Variants in ADCY10 observed in about 807,000 individuals in gnomAD.
The protein encoded by ADCY10 is adenylate cyclase 10, also known as adenylate cyclase type 10.
Under a neutral mutation model 183.3 loss-of-function variants are expected in ADCY10, and 156 were observed. That is an observed-to-expected ratio of 0.85 (90% CI 0.75 to 0.97). The LOEUF is 0.97. Among genes scored for constraint, ADCY10 ranks in the 50% least tolerant of loss-of-function variants. ADCY10 has a pLI of 0.00. For missense variants in ADCY10, 1,745 were observed against 1,934.3 expected (o/e 0.90, Z 1.84); for synonymous variants, 645 against 670.0 (o/e 0.96, Z 0.58).
At chr1:167,823,145 G>A (rs772821053) in intron 28 of ADCY10, 22 bp from the exon 29 acceptor site, 9 of 1,604,474 alleles carry the variant, frequency 5.6e-6, no homozygotes, top group South Asian at 2.2e-5. Flanking sequence ...AAAAGGTAGT[G>A]GCCATTAAAA....
At chr1:167,830,304 T>A (rs926187004) in intron 25 of ADCY10, among the ~76,000 whole-genome samples, 4 of 151,930 alleles carry the variant, frequency 2.6e-5, no homozygotes, top group African/African-American at 9.7e-5. Context: ...TGTTTTTTTT[T>A]CTTCTGGGCA....
At chr1:167,820,297 C>G in intron 30 of ADCY10, 1 of 1,296,086 alleles carries the variant, frequency 7.7e-7, no homozygotes, top group South Asian at 1.4e-5. Context: ...GGCCGCCTAG[C>G]CAAGTCTCTG....
rs765459577 is a variant in ADCY10, at chr1:167,880,504, C to T, written c.1126G>A (p.Val376Ile). 6 of 1,613,648 alleles carry T rather than the reference C, an allele frequency of 3.7e-6. No individual in the cohort carries two copies. In the East Asian group the frequency reaches 8.9e-5, roughly 24 times the overall value. ...GTCAATACTCACTGGATTTTGTGGA[C>T]TTGAGAGCAGAAGTCAAATATATCC... ...AMDIFDFCSQ[V>I]HKIQTVSIGV... The change falls in exon 10 of 33, where the codon GTC becomes ATC. Residue 376 changes from valine (V) to isoleucine (I), a missense_variant. Transcript: ENST00000367851.
rs1403162540 is a variant in ADCY10 at position 167,896,650 on chromosome 1, T to A, written c.684A>T (p.Glu228Asp). 4 of 1,613,476 alleles carry A rather than the reference T, an allele frequency of 2.5e-6. No individual in the cohort carries two copies. In the South Asian group the frequency reaches 4.4e-5, roughly 18 times the overall value. ...LKPPPNFNFD[E>D]FFTKCTTFMH... is the part of the protein sequence containing the mutation. The stretch of plus-strand genomic sequence containing the variant: ...TGAAGGTCGTACACTTTGTGAAAAA[T>A]TCATCAAAATTAAAATTGGGGGGTG... Residue 228 changes from glutamate to aspartate, a missense_variant, in exon 7 of 33, where the codon GAA becomes GAT. Physicochemically the swap from Glu to Asp is conservative, Grantham distance 45. Coordinates refer to ENST00000367851, the MANE Select transcript of ADCY10 (RefSeq NM_018417.6).
At chr1:167,877,078 A>G (rs942753454) in intron 12 of ADCY10, among the ~76,000 whole-genome samples, 1 of 151,828 alleles carries the variant, frequency 6.6e-6, no homozygotes, top group Non-Finnish European at 1.5e-5. Flanking sequence ...ATAAATGTTT[A>G]TTTTTGCACA....
chr1:167,880,872 ACT>A (rs968100873), intron 9 of ADCY10, among the ~76,000 whole-genome samples: 2 of 151,998 alleles, frequency 1.3e-5, no homozygotes, highest in African/African-American at 4.8e-5. Flanking sequence ...GCTTCGGCCT[ACT>A]CTCTCCTGTG....
intron 31 of ADCY10, among the ~76,000 whole-genome samples, chr1:167,814,008 A>T (rs553560885): frequency 2.2e-4 from 34 of 152,158 alleles, no homozygotes; most frequent in Non-Finnish European, 4.4e-4. Context: ...GAAAGAACTT[A>T]AATGTTCCAC....
At chr1:167,837,895 A>T (rs1392927479) in intron 21 of ADCY10, among the ~76,000 whole-genome samples, 1 of 152,268 alleles carries the variant, frequency 6.6e-6, no homozygotes, top group Non-Finnish European at 1.5e-5. Flanking sequence ...TTAAATTAAA[A>T]ACCTCAGTCT....
At chr1:167,873,656 T>C (rs982516159) in intron 13 of ADCY10, among the ~76,000 whole-genome samples, 3 of 152,170 alleles carry the variant, frequency 2.0e-5, no homozygotes, top group Non-Finnish European at 4.4e-5. Context: ...GTTATCTTTC[T>C]TACAATAAGG....
chr1:167,827,198 T>C (rs1040310083), intron 26 of ADCY10, among the ~76,000 whole-genome samples: 4 of 151,884 alleles, frequency 2.6e-5, no homozygotes, highest in Non-Finnish European at 5.9e-5. Context: ...GATGGAGTCT[T>C]GCTCTGTCGC....
At chr1:167,912,275 T>C (rs897605731) in intron 1 of ADCY10, among the ~76,000 whole-genome samples, 3 of 152,226 alleles carry the variant, frequency 2.0e-5, no homozygotes, top group African/African-American at 7.2e-5. Context: ...AAATTTCTTG[T>C]AAAGCCTTGG....
intron 23 of ADCY10, among the ~76,000 whole-genome samples, chr1:167,835,846 C>T (rs111721484): frequency 0.017 from 2,624 of 152,138 alleles, 79 homozygotes; most frequent in African/African-American, 0.06. Context: ...GCAGAGATCG[C>T]GCCACTACAC....
At chr1:167,901,006 C>T (rs1033700857) in intron 5 of ADCY10, among the ~76,000 whole-genome samples, 1 of 152,176 alleles carries the variant, frequency 6.6e-6, no homozygotes, top group Non-Finnish European at 1.5e-5. Flanking sequence ...AACTCTGTTA[C>T]TCATTACTTA....
chr1:167,814,950 AC>A (rs1662437432), intron 31 of ADCY10, among the ~76,000 whole-genome samples: 1 of 152,112 alleles, frequency 6.6e-6, no homozygotes, highest in African/African-American at 2.4e-5. Flanking sequence ...ACATGGTGAA[AC>A]CCCATCTCTA....
chr1:167,856,559 A>G lies in ADCY10; in HGVS notation c.1897-120T>C, dbSNP rs557661116. ...GGTTTGCTTATGATGCAGCGAAAGAACTAAGTTCAATCTTTTCTTTCCAGT... is the reference window on the plus strand; with the variant it reads ...GGTTTGCTTATGATGCAGCGAAAGAGCTAAGTTCAATCTTTTCTTTCCAGT... On this transcript the variant is annotated intron_variant, in intron 16 of 32. Transcript: ENST00000367851. 6.5e-4 allele frequency: 619 copies of G among 948,230 alleles called. 5 individuals carry two copies. In the African/African-American group the frequency reaches 9.2e-3, roughly 14 times the overall value. The allele number at this position is 948,230 out of a possible 1,614,324, so 58.7% of individuals were successfully genotyped here.
At chr1:167,909,282 C>T (rs1197168181) in intron 1 of ADCY10, among the ~76,000 whole-genome samples, 2 of 152,196 alleles carry the variant, frequency 1.3e-5, no homozygotes, top group Admixed American at 1.3e-4. Context: ...ATCCACTATA[C>T]TATTGACCTG....
chr1:167,910,929 T>C (rs145555823), intron 1 of ADCY10, among the ~76,000 whole-genome samples: 6 of 152,354 alleles, frequency 3.9e-5, no homozygotes, highest in South Asian at 2.1e-4. Flanking sequence ...TTTTTTAGTA[T>C]AAATATATTC....
At chr1:167,838,721 T>C (rs1283487869) in intron 21 of ADCY10, among the ~76,000 whole-genome samples, 1 of 152,208 alleles carries the variant, frequency 6.6e-6, no homozygotes, top group Non-Finnish European at 1.5e-5. Context: ...CTACTTTAAC[T>C]ACAGACCCAT....
chr1:167,818,523 A>G, intron 30 of ADCY10: 1 of 564,302 alleles, frequency 1.8e-6, no homozygotes. Context: ...GCCACCATTG[A>G]ACTCTTTGGC....
Sources: allele counts gnomAD v4.1 joint callset (sites outside exome capture counted in the v4.1 genomes callset), GRCh38; gene constraint gnomAD v4.1.1; transcripts MANE v1.5; gene names NCBI Gene and HGNC (gene_info 2026-07-23, HGNC 2026-07-21).